The following FAM91A1 variants were observed in gnomAD, a reference collection of about 807,000 sequenced individuals.
The protein encoded by FAM91A1 is family with sequence similarity 91 member A1, also known as protein FAM91A1.
Under a neutral mutation model 113.5 loss-of-function variants are expected in FAM91A1, and 41 were observed. The observed-to-expected ratio is 0.36, with a 90% CI of 0.28 to 0.47. The LOEUF (loss-of-function observed/expected upper bound fraction) is 0.47, where lower values mean the gene tolerates loss of function less well. FAM91A1 is among the 20% of genes least tolerant of loss of function. FAM91A1 has a pLI of 1.00. For synonymous variants in FAM91A1, 307 were observed against 347.9 expected, an observed-to-expected ratio of 0.88 and a Z score of 1.31; for missense variants, 696 against 1,001.2, an observed-to-expected ratio of 0.70 and a Z score of 4.11.
At chr8:123,774,286 C>A in intron 2 of FAM91A1, 122 bp downstream of exon 2, 2 of 681,796 alleles carry the variant, frequency 2.9e-6, no homozygotes, top group African/African-American at 1.9e-5. Flanking sequence ...CTTTAAGAAA[C>A]TCTACACTGA....
chr8:123,793,514 A>G (rs923630434), intron 15 of FAM91A1, among the ~76,000 whole-genome samples: 3 of 152,090 alleles, frequency 2.0e-5, no homozygotes, highest in Non-Finnish European at 4.4e-5. Flanking sequence ...TTGTCTCTCA[A>G]TTATTTTCGT....
At chr8:123,789,588 C>G (rs1563642096) in intron 14 of FAM91A1, 25 bp from the exon 15 acceptor site, 1 of 1,610,666 alleles carries the variant, frequency 6.2e-7, no homozygotes, top group Non-Finnish European at 8.5e-7. Flanking sequence ...ATTTTTGTTG[C>G]AAAATCTATT....
chr8:123,785,126 T>C lies in FAM91A1; in HGVS notation c.849+7T>C, dbSNP rs371627504. The C allele has an allele frequency of 2.2e-5, 35 of 1,586,144 alleles. No individual in the cohort carries two copies. Among genetic ancestry groups the C allele is most frequent in the Non-Finnish European group, 3.0e-5 (35 of 1,169,166 alleles). On this transcript the variant is annotated splice_region_variant and intron_variant, in intron 10 of 23. Transcript: ENST00000334705. ...TGACTTATCCCTGGTTAAGGTATGT[T>C]ATTTTTATACTCATTTACTGGTGAT...
rs1816000537 is a variant in FAM91A1 at position 123,813,188 on chromosome 8, A to G, written c.*484A>G. On this transcript the variant is annotated 3_prime_UTR_variant, in exon 24 of 24. Transcript: ENST00000334705. ...AAAACAATAAACATCCAGTATTGAG[A>G]GATGATATGATAGGGCATTATGAAT... 6.5e-6 allele frequency: 1 copy of G among 152,746 alleles called. No individual in the cohort carries two copies. Among genetic ancestry groups the G allele is most frequent in the African/African-American group, 2.4e-5 (1 of 41,462 alleles). The allele number at this position is 152,746 out of a possible 1,614,324, so 9.5% of individuals were successfully genotyped here.
chr8:123,802,241 C>T (rs4871415), intron 18 of FAM91A1, among the ~76,000 whole-genome samples: 33,623 of 151,866 alleles, frequency 0.22, 4,158 homozygotes, highest in East Asian at 0.33. Context: ...AAAGATAGCC[C>T]GGATCAAGGA....
intron 4 of FAM91A1, among the ~76,000 whole-genome samples, chr8:123,777,697 C>T (rs1397843009): frequency 1.3e-5 from 2 of 152,156 alleles, no homozygotes; most frequent in Non-Finnish European, 2.9e-5. Context: ...TTTTAGTATG[C>T]TTACTTTGGC....
intron 1 of FAM91A1, 74 bp downstream of exon 1, chr8:123,768,848 G>A (rs1814771329): frequency 6.7e-7 from 1 of 1,485,356 alleles, no homozygotes; most frequent in East Asian, 2.4e-5. Context: ...CCTCGCTCGC[G>A]GGGCCCGAGC....
At chr8:123,784,347 TAAATC>T (rs1386982129) in intron 8 of FAM91A1, 118 bp from the exon 9 acceptor site, 2 of 635,868 alleles carry the variant, frequency 3.1e-6, no homozygotes, top group Admixed American at 3.7e-5. Flanking sequence ...AGTGGATAAA[TAAATC>T]AAAAGCTGCA....
chr8:123,782,344 A>G (rs919345230), intron 8 of FAM91A1, among the ~76,000 whole-genome samples: 32 of 152,216 alleles, frequency 2.1e-4, no homozygotes, highest in African/African-American at 7.0e-4. Flanking sequence ...TTTTGACAAC[A>G]TGGAAGGCAT....
At chr8:123,804,192 A>T (rs904185129) in intron 18 of FAM91A1, among the ~76,000 whole-genome samples, 1 of 152,150 alleles carries the variant, frequency 6.6e-6, no homozygotes, top group Non-Finnish European at 1.5e-5. Flanking sequence ...AAACGTTATT[A>T]AAAGGTGTAG....
intron 14 of FAM91A1, among the ~76,000 whole-genome samples, chr8:123,788,430 G>T (rs558597658): frequency 6.6e-6 from 1 of 151,494 alleles, no homozygotes; most frequent in Non-Finnish European, 1.5e-5. Flanking sequence ...TATTTTCAAT[G>T]CACTGTTTAG....
At chr8:123,796,472 T>C (rs560909357) in intron 15 of FAM91A1, among the ~76,000 whole-genome samples, 21 of 151,270 alleles carry the variant, frequency 1.4e-4, no homozygotes, top group Non-Finnish European at 2.5e-4. Context: ...TTTTTTTTTT[T>C]TTTTTTGAGA....
At chr8:123,796,898 T>C (rs1010011555) in intron 15 of FAM91A1, among the ~76,000 whole-genome samples, 2 of 151,234 alleles carry the variant, frequency 1.3e-5, no homozygotes, top group Admixed American at 6.6e-5. Context: ...CTGTCTCTAC[T>C]AAAAATACAA....
At chr8:123,806,661 A>C (rs1198781928) in intron 20 of FAM91A1, among the ~76,000 whole-genome samples, 2 of 151,992 alleles carry the variant, frequency 1.3e-5, no homozygotes, top group African/African-American at 4.8e-5. Context: ...TTTTTCCACT[A>C]TGTTCAGTTA....
intron 11 of FAM91A1, 26 bp downstream of exon 11, chr8:123,785,767 C>A (rs1438873794): frequency 2.3e-6 from 3 of 1,311,336 alleles, no homozygotes; most frequent in South Asian, 2.9e-5. Context: ...TCAGTATGAG[C>A]TATTAGAGTT....
intron 23 of FAM91A1, chr8:123,811,300 A>G (rs1037037726): frequency 2.0e-5 from 3 of 152,242 alleles, no homozygotes; most frequent in Admixed American, 6.5e-5. Flanking sequence ...TTAGAGAACT[A>G]GTATTTTACG....
chr8:123,773,347 C>G (rs1814902344), intron 1 of FAM91A1, among the ~76,000 whole-genome samples: 1 of 152,104 alleles, frequency 6.6e-6, no homozygotes, highest in African/African-American at 2.4e-5. Context: ...TTGGAAAGAC[C>G]ATACCTAGAA....
At chr8:123,801,307 T>A (rs1186304133) in intron 18 of FAM91A1, among the ~76,000 whole-genome samples, 1 of 152,232 alleles carries the variant, frequency 6.6e-6, no homozygotes, top group African/African-American at 2.4e-5. Context: ...CCTTATACTT[T>A]ATTTCCCACC....
At chr8:123,788,184 C>G in intron 14 of FAM91A1, 1 of 985,132 alleles carries the variant, frequency 1.0e-6, no homozygotes. Context: ...TATGTCCGCT[C>G]TCACTATCCC....
Sources: gnomAD v4.1 joint callset for allele counts (sites outside exome capture counted in the v4.1 genomes callset) on GRCh38, gnomAD v4.1.1 for gene constraint, MANE v1.5 for transcripts, NCBI Gene and HGNC (gene_info 2026-07-23, HGNC 2026-07-21) for gene names.